The following FANCD2OS variants were observed in gnomAD, a reference collection of about 807,000 sequenced individuals.
FANCD2OS encodes the protein FANCD2 opposite strand.
Under a neutral mutation model 13.2 loss-of-function variants are expected in FANCD2OS, and 11 were observed. That is an observed-to-expected ratio of 0.83 (90% CI 0.52 to 1.38). The LOEUF is 1.38. Ranked by LOEUF, FANCD2OS falls within the 40% of genes most tolerant of loss-of-function variation. The pLI, the probability that FANCD2OS is intolerant of heterozygous loss-of-function variation, is 0.00. For missense variants in FANCD2OS, 217 were observed against 213.9 expected (o/e 1.01, Z -0.09); for synonymous variants, 69 against 84.5 (o/e 0.82, Z 1.01).
chr3:10,087,069 A>G (rs1694249843), intron 2 of FANCD2OS: 2 of 1,581,414 alleles, frequency 1.3e-6, no homozygotes, highest in African/African-American at 2.7e-5. Context: ...CGTCATGTGG[A>G]TTTAAATATA....
chr3:10,087,113 G>A, intron 2 of FANCD2OS: 1 of 1,613,648 alleles, frequency 6.2e-7, no homozygotes, highest in South Asian at 1.1e-5. Context: ...GCATTTGTTT[G>A]TTTTTCTTGT....
At chr3:10,091,379 C>CATA (rs1349833587) in intron 2 of FANCD2OS, among the ~76,000 whole-genome samples, 3 of 150,286 alleles carry the variant, frequency 2.0e-5, no homozygotes, top group Admixed American at 1.3e-4. Context: ...CTGCACCTGG[C>CATA]ATAAACCAGT....
At chr3:10,084,056 C>T (rs1272204761) in intron 2 of FANCD2OS, among the ~76,000 whole-genome samples, 5 of 151,482 alleles carry the variant, frequency 3.3e-5, no homozygotes, top group East Asian at 2.0e-4. Context: ...TGCAGTGGCG[C>T]GATCTCGGCT....
At chr3:10,083,488 A>C (rs966507828) in intron 2 of FANCD2OS, 5 of 152,220 alleles carry the variant, frequency 3.3e-5, no homozygotes, top group Non-Finnish European at 5.9e-5. Flanking sequence ...TTACAATGGT[A>C]CATCCATATT....
At position 10,104,016 on chromosome 3, in the gene FANCD2OS, C is replaced by CT; in HGVS notation, c.*224dup. ...TGGACATGTCAATGCTAGTTTGACT[C>CT]TAAATGGTTCAACCTTACAATGGGA... is the stretch of plus-strand genomic sequence containing the variant. On this transcript the variant is annotated 3_prime_UTR_variant, in exon 2 of 2. Coordinates refer to ENST00000450660, the MANE Select transcript of FANCD2OS (RefSeq NM_001164839.2). 1.8e-6 allele frequency: 1 copy of CT among 543,068 alleles called. No homozygotes were observed. Among genetic ancestry groups the CT allele is most frequent in the Non-Finnish European group, 3.2e-6 (1 of 310,390 alleles). The allele number at this position is 543,068 out of a possible 1,614,324, so 33.6% of individuals were successfully genotyped here.
At chr3:10,096,387 T>C (rs765840374) in intron 2 of FANCD2OS, 2 of 1,614,096 alleles carry the variant, frequency 1.2e-6, no homozygotes, top group Non-Finnish European at 1.7e-6. Flanking sequence ...CTGGAACTTT[T>C]AGTTTGCAGA....
chr3:10,096,595 T>G, intron 2 of FANCD2OS: 1 of 892,674 alleles, frequency 1.1e-6, no homozygotes. Flanking sequence ...CTCTTAAGTC[T>G]GTGACTGTTT....
At position 10,104,100 on chromosome 3, in the gene FANCD2OS, C is replaced by A. The variant is rs182489651; in HGVS notation, c.*141G>T. The A allele has an allele frequency of 1.6e-4, 114 of 717,858 alleles. 1 individual carries two copies. In the Admixed American group the frequency reaches 1.7e-3, roughly 11 times the overall value. The allele number at this position is 717,858 out of a possible 1,614,324, so 44.5% of individuals were successfully genotyped here. ...TTTGGAGGGGAAGGGATGAAAGGGG[C>A]TCCTGAATCATCACTGCTTGAAACA... On this transcript the variant is annotated 3_prime_UTR_variant, in exon 2 of 2. Transcript: ENST00000450660.
downstream of FANCD2OS, among the ~76,000 whole-genome samples, chr3:10,098,391 C>G (rs1695104354): frequency 6.6e-6 from 1 of 152,088 alleles, no homozygotes. Flanking sequence ...GCTTAGATAC[C>G]TTAAGGTATT....
chr3:10,095,154 G>A (rs757739892), intron 2 of FANCD2OS: 22 of 1,502,120 alleles, frequency 1.5e-5, no homozygotes, highest in Non-Finnish European at 1.9e-5. Context: ...AATCTAAAAT[G>A]AAATCAGGAC....
At chr3:10,101,459 C>T, downstream of FANCD2OS, 2 of 535,846 alleles carry the variant, frequency 3.7e-6, no homozygotes, top group South Asian at 4.1e-5. Context: ...AATCTTGGCT[C>T]ACTGCAACCT....
Position 10,087,217 on chromosome 3 carries a change from T to G in FANCD2OS, c.*44-5686A>C, listed in dbSNP as rs781064333. The G allele has an allele frequency of 1.9e-6, 3 of 1,613,878 alleles. No homozygotes were observed. The East Asian group carries it at 6.7e-5, about 36-fold the overall frequency. ...CTTTATCTCATCAGACTTTTGATGGTTATTTTGGAGAAATCAACAGCTTCT... is the reference window on the plus strand; with the variant it reads ...CTTTATCTCATCAGACTTTTGATGGGTATTTTGGAGAAATCAACAGCTTCT... On this transcript the variant is annotated intron_variant, in intron 2 of 2. Transcript: ENST00000524279.
At chr3:10,098,132 T>C (rs1695087430), downstream of FANCD2OS, among the ~76,000 whole-genome samples, 1 of 152,160 alleles carries the variant, frequency 6.6e-6, no homozygotes, top group African/African-American at 2.4e-5. Flanking sequence ...ATATATGAAA[T>C]ATATAAAACA....
Position 10,108,249 on chromosome 3 carries a change from G to C in FANCD2OS, c.-243C>G, listed in dbSNP as rs1559416214. 1 of 152,312 alleles carries C rather than the reference G, an allele frequency of 6.6e-6. No homozygotes were observed. Among genetic ancestry groups the C allele is most frequent in the Non-Finnish European group, 1.5e-5 (1 of 68,098 alleles). The allele number at this position is 152,312 out of a possible 1,614,324, so 9.4% of individuals were successfully genotyped here. ...CATCCGGGCCCGGGGCTCACCTGCT[G>C]AACTCTGAGGGTCTCACGCTCCAAA... is the stretch of plus-strand genomic sequence containing the variant. On this transcript the variant is annotated 5_prime_UTR_variant, in exon 1 of 2. Transcript: ENST00000450660.
chr3:10,093,728 C>A (rs1694789490), intron 2 of FANCD2OS, among the ~76,000 whole-genome samples: 1 of 152,076 alleles, frequency 6.6e-6, no homozygotes, highest in African/African-American at 2.4e-5. Flanking sequence ...GTGGGAATAG[C>A]CTGTATTAGC....
At chr3:10,082,427 A>G (rs1693899471) in intron 2 of FANCD2OS, among the ~76,000 whole-genome samples, 1 of 152,158 alleles carries the variant, frequency 6.6e-6, no homozygotes, top group East Asian at 1.9e-4. Flanking sequence ...TCTTCCTAAC[A>G]TAAACCCAGT....
chr3:10,105,772 TTA>T (rs574690780), intron 1 of FANCD2OS, among the ~76,000 whole-genome samples: 1,672 of 22,426 alleles, frequency 0.075, 71 homozygotes, highest in Non-Finnish European at 0.1. Context: ...AAAAAAAAAA[TTA>T]TATATATATA....
intron 2 of FANCD2OS, chr3:10,081,680 T>G: frequency 1.7e-6 from 1 of 588,530 alleles, no homozygotes; most frequent in African/African-American, 1.9e-5. Flanking sequence ...TTTGACAGAT[T>G]AGGTGACTTG....
intron 2 of FANCD2OS, chr3:10,090,428 A>G: frequency 1.1e-6 from 1 of 903,402 alleles, no homozygotes; most frequent in Non-Finnish European, 1.7e-6. Context: ...ACTTTGGATT[A>G]CTTGGAAGTT....
Sources: gnomAD v4.1 joint callset for allele counts (sites outside exome capture counted in the v4.1 genomes callset) on GRCh38, gnomAD v4.1.1 for gene constraint, MANE v1.5 for transcripts, NCBI Gene and HGNC (gene_info 2026-07-23, HGNC 2026-07-21) for gene names.